Variants in MGAM observed in about 807,000 individuals in gnomAD.
MGAM encodes the protein maltase-glucoamylase, also known as alpha-1,4-glucosidase.
In MGAM, 253 loss-of-function variants were observed where a neutral mutation model predicts 358.8. That is an observed-to-expected ratio of 0.71 (90% CI 0.64 to 0.78). The LOEUF (loss-of-function observed/expected upper bound fraction) is 0.78. MGAM is among the 30% of genes least tolerant of loss of function. The pLI, the probability that MGAM is intolerant of heterozygous loss-of-function variation, is 0.00. For synonymous variants in MGAM, 1,105 were observed against 1,227.1 expected (o/e 0.90, Z 2.08); for missense variants, 3,080 against 3,432.6 (o/e 0.90, Z 2.57).
rs760500158 is a variant in MGAM at position 142,065,677 on chromosome 7, A to T, written c.4654-38A>T. 9.3e-6 allele frequency: 15 copies of T among 1,610,418 alleles called. No homozygotes were observed. The Admixed American group carries it at 2.5e-4, about 27-fold the overall frequency. On this transcript the variant is annotated intron_variant, in intron 39 of 70. Transcript: ENST00000475668. ...CAAGAAGGTGGGGACATCTTTCAGA[A>T]ATCATCAGCAGGCTCCTTTTATTTC...
intron 21 of MGAM, among the ~76,000 whole-genome samples, chr7:142,045,161 TA>T (rs1809928106): frequency 1.2e-5 from 1 of 81,330 alleles, no homozygotes; most frequent in Non-Finnish European, 2.2e-5. Context: ...ATGTGATATA[TA>T]ATATATATAT....
At chr7:142,009,196 G>A (rs1805410168) in intron 3 of MGAM, among the ~76,000 whole-genome samples, 1 of 152,094 alleles carries the variant, frequency 6.6e-6, no homozygotes, top group Admixed American at 6.6e-5. Context: ...AGTTTCAAGA[G>A]CTCTGTTTTG....
intron 45 of MGAM, among the ~76,000 whole-genome samples, chr7:142,074,700 A>C (rs1328675504): frequency 6.8e-6 from 1 of 146,480 alleles, no homozygotes; most frequent in Non-Finnish European, 1.5e-5. Flanking sequence ...GAATCTTTGC[A>C]ATGTTCTGGT....
chr7:142,025,151 T>A lies in MGAM; in HGVS notation c.982+2T>A, dbSNP rs1806832191. 1 of 1,592,588 alleles carries A rather than the reference T, an allele frequency of 6.3e-7. No homozygotes were observed. The highest frequency in any genetic ancestry group is 1.7e-5 in the Admixed American group (1 of 59,900). ...TTCTGATGAACAGCAATGCCATGGG[T>A]AAAGGAATATTCATGGAAAAAACAA... On this transcript the variant is annotated splice_donor_variant, in intron 8 of 70. Transcript: ENST00000475668. LOFTEE classifies it high-confidence loss of function.
rs1804872857 is a variant in MGAM, at chr7:142,003,243, A to ATTAATTC, written c.-2-2286_-2-2285insTTAATTC. On this transcript the variant is annotated intron_variant, in intron 1 of 70. Coordinates refer to ENST00000475668, the MANE Select transcript of MGAM (RefSeq NM_001365693.1). ...TCCTAAAATTCATATGGAACCCTGAAAGAGTGTAAGTAGCCCAAGTAATCC... is the reference window on the plus strand; with the variant it reads ...TCCTAAAATTCATATGGAACCCTGAATTAATTCAGAGTGTAAGTAGCCCAAGTAATCC... Among the ~76,000 whole-genome samples the ATTAATTC allele has an allele frequency of 5.9e-5, 9 of 152,252 alleles. No individual in the cohort carries two copies. The South Asian group carries it at 1.9e-3, about 32-fold the overall frequency.
At chr7:142,094,949 G>T in intron 63 of MGAM, 86 bp downstream of exon 63, 1 of 1,368,606 alleles carries the variant, frequency 7.3e-7, no homozygotes, top group Non-Finnish European at 9.9e-7. Context: ...TGTATTTCCT[G>T]TGATATCTTT....
intron 68 of MGAM, 35 bp from the exon 69 acceptor site, chr7:142,102,595 G>A (rs1360644094): frequency 2.5e-6 from 4 of 1,600,782 alleles, no homozygotes; most frequent in Non-Finnish European, 1.7e-6. Context: ...TACAGCACAG[G>A]TCCAGGCCAT....
At chr7:142,042,855 C>T (rs1218660210) in intron 21 of MGAM, among the ~76,000 whole-genome samples, 1 of 46,438 alleles carries the variant, frequency 2.2e-5, no homozygotes, top group African/African-American at 6.7e-5. Flanking sequence ...CATATAATAT[C>T]TAAATATAAT....
At chr7:142,050,980 T>C in intron 24 of MGAM, 116 bp downstream of exon 24, 1 of 1,392,688 alleles carries the variant, frequency 7.2e-7, no homozygotes, top group Non-Finnish European at 1.0e-6. Flanking sequence ...GAGGCCTGTT[T>C]TGGGGAAGTG....
chr7:141,990,716 A>G (rs1323158705), intron 2 of MGAM, among the ~76,000 whole-genome samples: 1 of 151,916 alleles, frequency 6.6e-6, no homozygotes, highest in Admixed American at 6.6e-5. Context: ...GTTTTAGGGT[A>G]CATGTGCACA....
At chr7:142,075,676 G>A (rs919554941) in intron 45 of MGAM, among the ~76,000 whole-genome samples, 4 of 146,360 alleles carry the variant, frequency 2.7e-5, no homozygotes, top group African/African-American at 9.7e-5. Context: ...TAACTGGTAT[G>A]TGAAAAGATG....
rs1386291023 is a variant in MGAM, at chr7:142,090,292, C to T, written c.6811-1621C>T. The stretch of plus-strand genomic sequence containing the variant: ...TGGCTGGCCAAGTTCACCACGTGTA[C>T]CCCATATGGGATACAATTCTGACTC... On this transcript the variant is annotated intron_variant, in intron 57 of 70. Transcript: ENST00000475668. 2.7e-5 allele frequency among the ~76,000 whole-genome samples: 4 copies of T among 145,890 alleles called. 1 individual carries two copies. Among genetic ancestry groups the T allele is most frequent in the Non-Finnish European group, 4.7e-5 (3 of 64,334 alleles).
At chr7:142,018,332 C>T (rs968544719) in intron 3 of MGAM, among the ~76,000 whole-genome samples, 1 of 152,176 alleles carries the variant, frequency 6.6e-6, no homozygotes, top group Non-Finnish European at 1.5e-5. Context: ...ACCATGTGAG[C>T]CCCTCCACAG....
chr7:142,014,938 G>GT (rs753178555), intron 3 of MGAM, among the ~76,000 whole-genome samples: 1 of 151,078 alleles, frequency 6.6e-6, no homozygotes, highest in African/African-American at 2.4e-5. Flanking sequence ...ATTTTTGTAA[G>GT]TTTTTTTTTA....
intron 19 of MGAM, 113 bp from the exon 20 acceptor site, chr7:142,040,002 G>A: frequency 1.3e-6 from 1 of 798,152 alleles, no homozygotes; most frequent in Middle Eastern, 2.5e-4. Context: ...CAGAAGAAAG[G>A]CATAATAGCA....
intron 37 of MGAM, 150 bp downstream of exon 37, chr7:142,064,672 T>A (rs1812552521): frequency 1.6e-6 from 2 of 1,232,692 alleles, no homozygotes; most frequent in East Asian, 5.2e-5. Context: ...AAACAAATGC[T>A]CATTGACATG....
chr7:142,063,701 G>A, intron 36 of MGAM, 115 bp downstream of exon 36: 1 of 1,214,044 alleles, frequency 8.2e-7, no homozygotes, highest in South Asian at 1.4e-5. Context: ...GGCTGCTGTG[G>A]TTTACTGGGG....
intron 7 of MGAM, among the ~76,000 whole-genome samples, chr7:142,024,203 T>C (rs1239533193): frequency 6.6e-6 from 1 of 151,960 alleles, no homozygotes; most frequent in Non-Finnish European, 1.5e-5. Context: ...CACTCCAGCC[T>C]GGGTGACAGA....
intron 30 of MGAM, among the ~76,000 whole-genome samples, chr7:142,057,598 A>C (rs1811686766): frequency 7.8e-6 from 1 of 128,304 alleles, no homozygotes; most frequent in Non-Finnish European, 1.6e-5. Flanking sequence ...TGATAATGGT[A>C]ATGGTGGTGG....
Sources: allele counts gnomAD v4.1 joint callset (sites outside exome capture counted in the v4.1 genomes callset), GRCh38; gene constraint gnomAD v4.1.1; transcripts MANE v1.5; gene names NCBI Gene and HGNC (gene_info 2026-07-23, HGNC 2026-07-21).